CAPN12: variants seen among roughly 807,000 people sequenced by gnomAD.
CAPN12 encodes the protein calpain 12.
A neutral mutation model predicts 95.0 loss-of-function variants in CAPN12; 107 were observed. The observed-to-expected ratio is 1.13, with a 90% CI of 0.96 to 1.32. The LOEUF (loss-of-function observed/expected upper bound fraction) is 1.32, where lower values mean the gene tolerates loss of function less well. Among genes scored for constraint, CAPN12 ranks in the 40% most tolerant of loss-of-function variants. The probability of loss-of-function intolerance (pLI) is 0.00; values close to 1 mark genes in which losing one functional copy is unlikely to be tolerated. For missense variants in CAPN12, 1,136 were observed against 997.8 expected, an observed-to-expected ratio of 1.14 and a Z score of -1.87; for synonymous variants, 505 against 415.5, an observed-to-expected ratio of 1.22 and a Z score of -2.62.
Position 38,742,149 on chromosome 19 carries a change from T to C in CAPN12, c.427-239A>G, listed in dbSNP as rs563946907. The C allele has an allele frequency of 4.9e-6, 3 of 616,400 alleles. No homozygotes were observed. In the East Asian group the frequency reaches 8.5e-5, roughly 18 times the overall value. The allele number at this position is 616,400 out of a possible 1,614,324, so 38.2% of individuals were successfully genotyped here. A position where few individuals can be genotyped will look rare whatever the true frequency, so the allele number is the denominator to read the frequency against. ...GACCAGCCTGGCTAAGATGGTGAAA[T>C]ACCATCTCTACTAAAAATAAGAAAA... On this transcript the variant is annotated intron_variant, in intron 3 of 20. Transcript: ENST00000328867.
chr19:38,742,010 C>T (rs1234719154), intron 3 of CAPN12, 100 bp from the exon 4 acceptor site: 1 of 1,502,140 alleles, frequency 6.7e-7, no homozygotes, highest in East Asian at 2.4e-5. Flanking sequence ...AATTACAGCC[C>T]CAAGTCAACG....
At position 38,731,468 on chromosome 19, in the gene CAPN12, G is replaced by A. The variant is rs575507116; in HGVS notation, c.1958-245C>T. 52 of 559,600 alleles carry A rather than the reference G, an allele frequency of 9.3e-5. 1 individual carries two copies. Among genetic ancestry groups the A allele is most frequent in the South Asian group, 6.7e-4 (33 of 48,950 alleles). 34.7% of individuals were successfully genotyped at this position (559,600 alleles called of 1,614,324 possible). On this transcript the variant is annotated intron_variant, in intron 18 of 20. Coordinates refer to ENST00000328867, the MANE Select transcript of CAPN12 (RefSeq NM_144691.4). ...GTGAAGACAGAACGCTCAGGACAGC[G>A]TCTGACACGTGACTCGATGTGTGGG...
intron 5 of CAPN12, chr19:38,739,373 T>C (rs12978273): frequency 0.06 from 8,534 of 143,210 alleles, 262 homozygotes; most frequent in South Asian, 0.1. Context: ...TGCTTGAACT[T>C]GGGTGACAGA....
At chr19:38,731,279 G>T in intron 18 of CAPN12, 56 bp from the exon 19 acceptor site, 1 of 1,344,232 alleles carries the variant, frequency 7.4e-7, no homozygotes, top group Non-Finnish European at 1.1e-6. Flanking sequence ...CCTTGGCATT[G>T]CATCCCCACC....
In CAPN12 at chr19:38,744,250, G is replaced by T. The variant is rs892430085; in HGVS notation, c.-85C>A. Reference sequence around the variant, plus strand: ...GGGCCTCTCTTCCATTGGAGCCCCAGTGGGGTCTTTAGGCAATGAGGAGCC... The same window carrying T: ...GGGCCTCTCTTCCATTGGAGCCCCATTGGGGTCTTTAGGCAATGAGGAGCC... On this transcript the variant is annotated 5_prime_UTR_variant, in exon 1 of 21. In the 5' UTR this introduces an upstream ATG that the reference lacks. Transcript: ENST00000328867. The T allele has an allele frequency of 1.7e-5, 22 of 1,298,986 alleles. No homozygotes were observed. The highest frequency in any genetic ancestry group is 2.3e-5 in the Non-Finnish European group (21 of 905,946). The allele number at this position is 1,298,986 out of a possible 1,614,324, so 80.5% of individuals were successfully genotyped here.
At chr19:38,735,472 C>T in intron 13 of CAPN12, 30 bp downstream of exon 13, 1 of 1,610,846 alleles carries the variant, frequency 6.2e-7, no homozygotes, top group Non-Finnish European at 8.5e-7. Flanking sequence ...GATCCCCGCC[C>T]CATGCCGCCC....
In CAPN12 at chr19:38,736,581, A is replaced by AAGGGGCGTCAGGGCAGGGGAGAG; in HGVS notation, c.1363-19_1363-18insCTCTCCCCTGCCCTGACGCCCCT. Reference sequence around the variant, plus strand: ...TCTGGAATCTGAAAGAAGCAAGAGCAAGGGGCGTCGGGGCAGGGGAGAGGT... The same window carrying AAGGGGCGTCAGGGCAGGGGAGAG: ...TCTGGAATCTGAAAGAAGCAAGAGCAAGGGGCGTCAGGGCAGGGGAGAGAGGGGCGTCGGGGCAGGGGAGAGGT... On this transcript the variant is annotated intron_variant, in intron 10 of 20. Transcript: ENST00000328867. The AAGGGGCGTCAGGGCAGGGGAGAG allele has an allele frequency of 1.3e-6, 2 of 1,561,354 alleles. No homozygotes were observed. Among genetic ancestry groups the AAGGGGCGTCAGGGCAGGGGAGAG allele is most frequent in the Non-Finnish European group, 1.7e-6 (2 of 1,152,132 alleles).
intron 8 of CAPN12, 125 bp downstream of exon 8, chr19:38,738,148 C>A (rs1479286047): frequency 9.3e-6 from 9 of 963,568 alleles, no homozygotes; most frequent in Middle Eastern, 3.3e-4. Context: ...AACCTGGCCC[C>A]AAAATTACCA....
At chr19:38,741,476 G>C (rs1478514381) in intron 4 of CAPN12, among the ~76,000 whole-genome samples, 2 of 151,932 alleles carry the variant, frequency 1.3e-5, no homozygotes, top group African/African-American at 4.8e-5. Flanking sequence ...GGGAGGCTGA[G>C]ACAGGAGAAT....
Position 38,734,110 on chromosome 19 carries a change from T to G in CAPN12, c.1878+32A>C, listed in dbSNP as rs370757974. The G allele has an allele frequency of 3.9e-5, 63 of 1,610,396 alleles. No individual in the cohort carries two copies. In the Middle Eastern group the frequency reaches 5.0e-4, roughly 13 times the overall value. On this transcript the variant is annotated intron_variant, in intron 17 of 20. Coordinates refer to ENST00000328867, the MANE Select transcript of CAPN12 (RefSeq NM_144691.4). The stretch of plus-strand genomic sequence containing the variant: ...GTCTCTGTTAGTAAAGGTTTCTCTC[T>G]TTCTGGGAAGAGGCCCAGTCTCCCA...
In CAPN12 at chr19:38,735,433, C is replaced by T. The variant is rs1260706610; in HGVS notation, c.1627-4G>A. The T allele has an allele frequency of 2.5e-6, 4 of 1,610,814 alleles. No homozygotes were observed. In the East Asian group the frequency reaches 9.0e-5, roughly 36 times the overall value. On this transcript the variant is annotated splice_polypyrimidine_tract_variant and splice_region_variant and intron_variant, in intron 13 of 20. Transcript: ENST00000328867. ...GCTCCAGGGGCAGGTAGGGGCCCTG[C>T]CGCATGGCGGAAGTTTAGCGCTGGC...
At chr19:38,733,372 T>C in intron 18 of CAPN12, 1 of 291,504 alleles carries the variant, frequency 3.4e-6, no homozygotes, top group Non-Finnish European at 6.5e-6. Context: ...TCCAGAACAT[T>C]CTACCATGCT....
chr19:38,740,054 G>C lies in CAPN12; in HGVS notation c.726C>G (p.Ala242=). Residue 242 remains alanine (A), a synonymous_variant, in exon 5 of 21, where the codon GCC becomes GCG. Coordinates refer to ENST00000328867, the MANE Select transcript of CAPN12 (RefSeq NM_144691.4). ...CATGCGAGTCCAGGTCTCTTACCAG[G>C]GCAGTGGCGCCCACGAGGGACTCCT... ...LAKESLVGAT[A]LSDRGEYRTE... 2 of 1,584,764 alleles carry C rather than the reference G, an allele frequency of 1.3e-6. No homozygotes were observed. The highest frequency in any genetic ancestry group is 8.6e-7 in the Non-Finnish European group (1 of 1,164,530).
chr19:38,736,381 C>A (rs1255877535), intron 11 of CAPN12, 63 bp from the exon 12 acceptor site: 11 of 1,485,912 alleles, frequency 7.4e-6, no homozygotes, highest in Admixed American at 2.1e-5. Flanking sequence ...CCCGCACCCT[C>A]CAGCGCGCCC....
intron 6 of CAPN12, 24 bp from the exon 7 acceptor site, chr19:38,738,527 G>T (rs1396075985): frequency 6.2e-7 from 1 of 1,613,710 alleles, no homozygotes; most frequent in Admixed American, 1.7e-5. Context: ...GTCAGTGGGG[G>T]TGATGCCTGG....
In CAPN12 at chr19:38,744,205, C is replaced by A. The variant is rs1419902060; in HGVS notation, c.-40G>T. 3.8e-6 allele frequency: 6 copies of A among 1,589,858 alleles called. No individual in the cohort carries two copies. Among genetic ancestry groups the A allele is most frequent in the Non-Finnish European group, 2.6e-6 (3 of 1,160,272 alleles). ...CACAAGCCGGCACCAGGCCCTTTAA[C>A]CTCCTGAGTCACGGGGGCGGGGCCT... is the stretch of plus-strand genomic sequence containing the variant. On this transcript the variant is annotated 5_prime_UTR_variant, in exon 1 of 21. Transcript: ENST00000328867.
rs187740309 is a variant in CAPN12, at chr19:38,731,019, G to A, written c.2079C>T (p.His693=). 1.7e-3 allele frequency: 2,656 copies of A among 1,554,138 alleles called. 4 individuals are homozygous for A. Among genetic ancestry groups the A allele is most frequent in the Non-Finnish European group, 2.1e-3 (2,426 of 1,149,072 alleles). Residue 693 remains histidine (H), a synonymous_variant, in exon 20 of 21, where the codon CAC becomes CAT. Transcript: ENST00000328867. The stretch of plus-strand genomic sequence containing the variant: ...CACCCCCATCCAGGTGCTGGCTGCA[G>A]TGGCCTGTGCAGAGAGGGGCAGGGT... ...CVAHLTCIFC[H]CSQHLDGGEG...
chr19:38,733,817 G>A (rs1403935367), intron 17 of CAPN12, 36 bp from the exon 18 acceptor site: 4 of 1,554,882 alleles, frequency 2.6e-6, no homozygotes, highest in Middle Eastern at 1.7e-4. Flanking sequence ...TGCCCTCCAT[G>A]CCCTGAAGAG....
chr19:38,738,353 G>A lies in CAPN12; in HGVS notation c.891-6C>T. 4 of 1,611,966 alleles carry A rather than the reference G, an allele frequency of 2.5e-6. No individual in the cohort carries two copies. The highest frequency in any genetic ancestry group is 3.4e-6 in the Non-Finnish European group (4 of 1,180,004). On this transcript the variant is annotated splice_polypyrimidine_tract_variant and splice_region_variant and intron_variant, in intron 7 of 20. Transcript: ENST00000328867. ...GTGTGTCCCAGCGTGGGCAGCTGGA[G>A]AGACTGTGGTGTGAGGGGCGGGCAG...
Sources: allele counts gnomAD v4.1 joint callset (sites outside exome capture counted in the v4.1 genomes callset), GRCh38; gene constraint gnomAD v4.1.1; transcripts MANE v1.5; gene names NCBI Gene and HGNC (gene_info 2026-07-23, HGNC 2026-07-21).